MYCBP2: variants seen among roughly 807,000 people sequenced by gnomAD.
MYCBP2 encodes E3 ubiquitin-protein ligase MYCBP2.
MYCBP2 carries 120 observed loss-of-function variants against 525.3 expected under a neutral mutation model. The ratio of observed to expected loss-of-function variants is 0.23; its 90% CI spans 0.20 to 0.27. The LOEUF is 0.27. Ranked by LOEUF, MYCBP2 falls within the 10% of genes least tolerant of loss-of-function variation. The pLI is 1.00. For synonymous variants in MYCBP2, 1,894 were observed against 1,955.8 expected (o/e 0.97, Z 0.83); for missense variants, 4,149 against 5,657.1 (o/e 0.73, Z 8.55).
intron 55 of MYCBP2, among the ~76,000 whole-genome samples, chr13:77,108,880 T>C (rs1024229496): frequency 2.0e-5 from 3 of 152,074 alleles, no homozygotes; most frequent in African/African-American, 4.8e-5. Context: ...ATTTTTTGTA[T>C]TTTTAGTAGA....
chr13:77,233,065 T>A, intron 18 of MYCBP2, 91 bp downstream of exon 18: 1 of 1,066,206 alleles, frequency 9.4e-7, no homozygotes, highest in Non-Finnish European at 1.4e-6. Flanking sequence ...AGTAGAAGAA[T>A]CAGGTTTGTG....
At chr13:77,254,449 C>T (rs2071798687) in intron 14 of MYCBP2, among the ~76,000 whole-genome samples, 1 of 151,596 alleles carries the variant, frequency 6.6e-6, no homozygotes, top group African/African-American at 2.4e-5. Flanking sequence ...ATGTTCTGTA[C>T]TTTCCTGGTT....
intron 54 of MYCBP2, among the ~76,000 whole-genome samples, chr13:77,122,774 C>G (rs1331935699): frequency 4.0e-5 from 6 of 151,870 alleles, no homozygotes; most frequent in Non-Finnish European, 2.9e-5. Flanking sequence ...TTCCTTCCTA[C>G]CTGTAAATTG....
intron 20 of MYCBP2, among the ~76,000 whole-genome samples, chr13:77,218,266 A>C (rs2065088357): frequency 6.6e-6 from 1 of 152,192 alleles, no homozygotes; most frequent in Admixed American, 6.5e-5. Flanking sequence ...CTGTATACTG[A>C]CTGGCCTGTT....
intron 69 of MYCBP2, among the ~76,000 whole-genome samples, chr13:77,069,533 A>T (rs539521886): frequency 5.9e-5 from 9 of 151,868 alleles, no homozygotes; most frequent in Non-Finnish European, 1.2e-4. Context: ...AGGTCAGGAG[A>T]TCGAGACCAT....
intron 1 of MYCBP2, among the ~76,000 whole-genome samples, chr13:77,302,749 A>G (rs1215474068): frequency 2.6e-5 from 4 of 152,224 alleles, no homozygotes; most frequent in Non-Finnish European, 5.9e-5. Flanking sequence ...TGTCCCAAAA[A>G]AAGTTGGAGT....
intron 30 of MYCBP2, among the ~76,000 whole-genome samples, chr13:77,188,742 T>A (rs556127891): frequency 1.3e-5 from 2 of 152,348 alleles, no homozygotes; most frequent in South Asian, 4.1e-4. Flanking sequence ...ATTCATCTGG[T>A]CATGTTAAAA....
chr13:77,169,787 T>A, intron 38 of MYCBP2, 73 bp from the exon 39 acceptor site: 2 of 1,223,740 alleles, frequency 1.6e-6, no homozygotes, highest in Non-Finnish European at 2.4e-6. Flanking sequence ...CATGCTGTAC[T>A]AAATCTATAT....
intron 17 of MYCBP2, among the ~76,000 whole-genome samples, chr13:77,234,023 T>C (rs2067519521): frequency 6.6e-6 from 1 of 151,960 alleles, no homozygotes; most frequent in Non-Finnish European, 1.5e-5. Flanking sequence ...CATATATAAA[T>C]ACATACCCAC....
intron 1 of MYCBP2, among the ~76,000 whole-genome samples, chr13:77,319,019 T>TGC (rs532181812): frequency 2.1e-4 from 32 of 152,208 alleles, no homozygotes; most frequent in Non-Finnish European, 4.3e-4. Flanking sequence ...TGACAGATAT[T>TGC]GCTGTGTTTC....
chr13:77,056,276 AAAT>A (rs1731707053), intron 79 of MYCBP2, among the ~76,000 whole-genome samples: 1 of 152,106 alleles, frequency 6.6e-6, no homozygotes, highest in Admixed American at 6.6e-5. Context: ...GGGGAGAGCA[AAAT>A]ACTACAATCT....
At chr13:77,168,285 GCCTAATCA>G in intron 40 of MYCBP2, 135 bp downstream of exon 40, 1 of 623,164 alleles carries the variant, frequency 1.6e-6, no homozygotes, top group East Asian at 2.8e-5. Flanking sequence ...ATCCAACAGT[GCCTAATCA>G]CCTGCTGATT....
chr13:77,070,460 T>C (rs1021729233), intron 69 of MYCBP2, among the ~76,000 whole-genome samples, 171 bp downstream of exon 69: 2 of 152,098 alleles, frequency 1.3e-5, no homozygotes, highest in African/African-American at 2.4e-5. Flanking sequence ...AGCCTTAGTG[T>C]ATTTTATGTG....
chr13:77,326,797 C>T lies in MYCBP2; in HGVS notation c.-22G>A. On this transcript the variant is annotated 5_prime_UTR_variant, in exon 1 of 83. Transcript: ENST00000544440. The surrounding 1 kb of genome is among the most constrained non-coding windows in gnomAD (Gnocchi z 4.2). ...TCATCCTCGCCGCCGCCGCCGCCGC[C>T]GCCGCCTCGTCCCCGCGGGCCGGGC... is the stretch of plus-strand genomic sequence containing the variant. 1 of 1,400,064 alleles carries T rather than the reference C, an allele frequency of 7.1e-7. No individual in the cohort carries two copies. The highest frequency in any genetic ancestry group is 1.6e-5 in the South Asian group (1 of 62,770). 86.7% of individuals were successfully genotyped at this position (1,400,064 alleles called of 1,614,324 possible).
Position 77,098,970 on chromosome 13 carries a change from T to A in MYCBP2, c.8184A>T (p.Thr2728=), listed in dbSNP as rs141772648. ...TAGAGGACAGCTCTGATTTTCCTGA[T>A]GTAGAGGCTGGTTTAGAAGATGTTG... is the stretch of plus-strand genomic sequence containing the variant. ...NISTSSKPAS[T]SGKSELSSKH... is the part of the protein sequence containing the mutation. Residue 2728 remains threonine, a synonymous_variant, in exon 56 of 83, where the codon ACA becomes ACT. Coordinates refer to ENST00000544440, the MANE Select transcript of MYCBP2 (RefSeq NM_015057.5). 1.9e-6 allele frequency: 3 copies of A among 1,611,756 alleles called. No individual in the cohort carries two copies. Among genetic ancestry groups the A allele is most frequent in the Admixed American group, 1.7e-5 (1 of 59,942 alleles).
intron 68 of MYCBP2, among the ~76,000 whole-genome samples, chr13:77,071,120 CGG>C (rs2041149056): frequency 7.0e-6 from 1 of 143,372 alleles, no homozygotes; most frequent in African/African-American, 2.9e-5. Context: ...ATTAAGCTAT[CGG>C]AACACCAAGT....
chr13:77,150,599 G>A, intron 47 of MYCBP2, 135 bp downstream of exon 47: 10 of 694,140 alleles, frequency 1.4e-5, no homozygotes, highest in South Asian at 1.3e-4. Flanking sequence ...ATCTTAATAA[G>A]TGTTGCTGCA....
intron 68 of MYCBP2, among the ~76,000 whole-genome samples, chr13:77,074,064 C>T (rs1247435059): frequency 1.5e-5 from 2 of 131,354 alleles, no homozygotes; most frequent in Non-Finnish European, 3.1e-5. Flanking sequence ...TATGGAAATG[C>T]AAGAGATCTA....
At chr13:77,204,937 T>C (rs1391709415) in intron 26 of MYCBP2, among the ~76,000 whole-genome samples, 1 of 147,544 alleles carries the variant, frequency 6.8e-6, no homozygotes, top group African/African-American at 2.5e-5. Context: ...TTGGGAGATA[T>C]ACCTAATGCT....
Sources: gnomAD v4.1 joint callset for allele counts (sites outside exome capture counted in the v4.1 genomes callset) on GRCh38, gnomAD v4.1.1 for gene constraint, Gnocchi (gnomAD v3.1) non-coding constraint, MANE v1.5 for transcripts, NCBI Gene and HGNC (gene_info 2026-07-23, HGNC 2026-07-21) for gene names.